SLC8A1: variants seen among roughly 807,000 people sequenced by gnomAD.
SLC8A1 encodes the protein sodium/calcium exchanger 1.
SLC8A1 carries 18 observed loss-of-function variants against 68.3 expected under a neutral mutation model. The observed-to-expected ratio is 0.26, with a 90% CI of 0.18 to 0.39. The LOEUF (loss-of-function observed/expected upper bound fraction) is 0.39. SLC8A1 is among the 10% of genes least tolerant of loss of function. The pLI is 1.00. For missense variants in SLC8A1, 985 were observed against 1,156.7 expected, an observed-to-expected ratio of 0.85 and a Z score of 2.15; for synonymous variants, 475 against 415.5, an observed-to-expected ratio of 1.14 and a Z score of -1.74.
chr2:40,206,132 G>T (rs1048370990), intron 2 of SLC8A1, among the ~76,000 whole-genome samples: 6 of 152,010 alleles, frequency 3.9e-5, no homozygotes, highest in African/African-American at 1.4e-4. Context: ...AATTATAATT[G>T]AATCAACAAA....
At chr2:40,111,799 C>A (rs1310266508) in exon 8 of SLC8A1, 3 of 152,124 alleles carry the variant, frequency 2.0e-5, no homozygotes, top group Admixed American at 1.3e-4. Context: ...TGGGAAGAAA[C>A]TGTACTACCA....
chr2:40,375,459 A>T (rs1679507275), intron 2 of SLC8A1, among the ~76,000 whole-genome samples: 1 of 152,178 alleles, frequency 6.6e-6, no homozygotes, highest in Admixed American at 6.5e-5. Flanking sequence ...TTAAAAAATA[A>T]GCATTTTAAT....
intron 6 of SLC8A1, among the ~76,000 whole-genome samples, chr2:40,154,335 G>C (rs1383329164): frequency 2.0e-5 from 2 of 101,896 alleles, no homozygotes; most frequent in Non-Finnish European, 3.6e-5. Flanking sequence ...ACGGAGTCTT[G>C]CTCTGTCACC....
intron 2 of SLC8A1, among the ~76,000 whole-genome samples, chr2:40,252,880 ATTTTGAGCCAAATTTTATATGTATG>A (rs2063045042): frequency 7.6e-6 from 1 of 132,234 alleles, no homozygotes; most frequent in African/African-American, 2.8e-5. Flanking sequence ...AATAATATAT[ATTTTGAGCCAAATTTTATATGTATG>A]TATATGTGTA....
chr2:40,117,630 T>C (rs2035778076), intron 7 of SLC8A1, among the ~76,000 whole-genome samples: 1 of 151,940 alleles, frequency 6.6e-6, no homozygotes, highest in Non-Finnish European at 1.5e-5. Flanking sequence ...ATAGCAGATA[T>C]TAATAACTGT....
intron 2 of SLC8A1, among the ~76,000 whole-genome samples, chr2:40,203,179 T>C (rs1482470268): frequency 6.6e-6 from 1 of 152,010 alleles, no homozygotes; most frequent in Non-Finnish European, 1.5e-5. Context: ...CTTAAGCATG[T>C]TTACTTGCAA....
chr2:40,156,762 T>G (rs962267341), intron 6 of SLC8A1, among the ~76,000 whole-genome samples: 12 of 152,186 alleles, frequency 7.9e-5, no homozygotes, highest in African/African-American at 2.9e-4. Context: ...TATGTATGCA[T>G]GTTTTGTGTA....
At chr2:40,174,880 G>T (rs980366200) in intron 3 of SLC8A1, 38 bp from the exon 5 acceptor site, 2 of 1,588,214 alleles carry the variant, frequency 1.3e-6, no homozygotes, top group South Asian at 1.1e-5. Flanking sequence ...GTTATAATTT[G>T]ACACTCTACA....
chr2:40,302,074 T>TGTGTGTGTGTGTGTGTGTGTGTGTGTG (rs1491553759), intron 2 of SLC8A1, among the ~76,000 whole-genome samples: 1 of 147,908 alleles, frequency 6.8e-6, no homozygotes. Flanking sequence ...TGTGTGTGTG[T>TGTGTGTGTGTGTGTGTGTGTGTGTGTG]TTAGTAGAGA....
At chr2:40,131,776 G>A (rs1301543680) in intron 7 of SLC8A1, among the ~76,000 whole-genome samples, 1 of 151,640 alleles carries the variant, frequency 6.6e-6, no homozygotes, top group Non-Finnish European at 1.5e-5. Flanking sequence ...GTTTGGTCTA[G>A]CTCGGGAAGA....
intron 2 of SLC8A1, among the ~76,000 whole-genome samples, chr2:40,248,358 G>T (rs1035160): frequency 0.023 from 3,546 of 152,232 alleles, 153 homozygotes; most frequent in African/African-American, 0.08. Context: ...TTTGGGAAGT[G>T]ATTAGGTCAC....
chr2:40,453,966 T>A (rs995214566), upstream of SLC8A1, among the ~76,000 whole-genome samples: 12 of 152,320 alleles, frequency 7.9e-5, no homozygotes, highest in South Asian at 2.1e-3. Flanking sequence ...TTTCTTTCCT[T>A]GCTATAAGTT....
At chr2:40,400,000 A>C (rs1460036184) in intron 2 of SLC8A1, among the ~76,000 whole-genome samples, 2 of 152,212 alleles carry the variant, frequency 1.3e-5, no homozygotes, top group African/African-American at 4.8e-5. Flanking sequence ...ATAGAAAAGC[A>C]CTGTGAAAAT....
intron 2 of SLC8A1, among the ~76,000 whole-genome samples, chr2:40,420,086 G>C (rs1049411559): frequency 6.6e-6 from 1 of 152,054 alleles, no homozygotes; most frequent in African/African-American, 2.4e-5. Context: ...CTCCAGAGAG[G>C]ATTCAGAAAT....
chr2:40,249,838 G>T (rs146960150), intron 2 of SLC8A1, among the ~76,000 whole-genome samples: 98 of 152,138 alleles, frequency 6.4e-4, no homozygotes, highest in African/African-American at 2.3e-3. Context: ...ACACAGGAAG[G>T]GTGTAGACTT....
upstream of SLC8A1, among the ~76,000 whole-genome samples, chr2:40,452,698 T>A (rs896659855): frequency 6.6e-6 from 1 of 151,544 alleles, no homozygotes; most frequent in Non-Finnish European, 1.5e-5. Flanking sequence ...TGTGTTTTTC[T>A]ACGTATCAGA....
At position 40,236,905 on chromosome 2, in the gene SLC8A1, C is replaced by A. The variant is rs551407901; in HGVS notation, c.1809-59050G>T. Among the ~76,000 whole-genome samples, 200 of 152,144 alleles carry A rather than the reference C, an allele frequency of 1.3e-3. 1 individual carries two copies. The highest frequency in any genetic ancestry group is 4.7e-3 in the African/African-American group (196 of 41,522). ...GAAATTCTGGGTTGAAAATTCTTTTCTTTAAGAATGTTGAACATTGGCCCC... is the reference window on the plus strand; with the variant it reads ...GAAATTCTGGGTTGAAAATTCTTTTATTTAAGAATGTTGAACATTGGCCCC... On this transcript the variant is annotated intron_variant, in intron 2 of 7. Transcript: ENST00000406785.
chr2:40,356,615 A>T (rs1255882040), intron 2 of SLC8A1, among the ~76,000 whole-genome samples: 1 of 151,508 alleles, frequency 6.6e-6, no homozygotes, highest in Non-Finnish European at 1.5e-5. Flanking sequence ...AAAAAAAAAA[A>T]CTGCCTGTCA....
chr2:40,394,603 T>C (rs1480883055), intron 2 of SLC8A1, among the ~76,000 whole-genome samples: 1 of 152,016 alleles, frequency 6.6e-6, no homozygotes, highest in African/African-American at 2.4e-5. Flanking sequence ...TTATTGATTT[T>C]TGAAAATAAA....
Sources: allele counts gnomAD v4.1 joint callset (sites outside exome capture counted in the v4.1 genomes callset), GRCh38; gene constraint gnomAD v4.1.1; transcripts MANE v1.5; gene names NCBI Gene and HGNC (gene_info 2026-07-23, HGNC 2026-07-21).